ADAMTSL1: variants seen among roughly 807,000 people sequenced by gnomAD.
ADAMTSL1 encodes ADAMTS-like protein 1.
ADAMTSL1 carries 126 observed loss-of-function variants against 201.8 expected under a neutral mutation model. The observed-to-expected ratio is 0.62, with a 90% confidence interval of 0.54 to 0.72. The LOEUF (loss-of-function observed/expected upper bound fraction) is 0.72, where lower values mean the gene tolerates loss of function less well. Ranked by LOEUF, ADAMTSL1 falls within the 30% of genes least tolerant of loss-of-function variation. The pLI is 0.00. For synonymous variants in ADAMTSL1, 1,121 were observed against 903.4 expected (o/e 1.24, Z -4.32); for missense variants, 2,679 against 2,277.8 (o/e 1.18, Z -3.59).
chr9:18,403,980 G>C (rs1264676511), intron 2 of ADAMTSL1, among the ~76,000 whole-genome samples: 1 of 152,088 alleles, frequency 6.6e-6, no homozygotes, highest in East Asian at 1.9e-4. Flanking sequence ...CTCAAATTGA[G>C]TGCCCCGTGG....
At chr9:18,262,085 A>G (rs987733640) in intron 2 of ADAMTSL1, among the ~76,000 whole-genome samples, 2 of 152,214 alleles carry the variant, frequency 1.3e-5, no homozygotes, top group Non-Finnish European at 2.9e-5. Flanking sequence ...ATATATATAT[A>G]ATGTGTTTGA....
chr9:17,965,805 G>T (rs1192570564), intron 1 of ADAMTSL1, among the ~76,000 whole-genome samples: 1 of 152,178 alleles, frequency 6.6e-6, no homozygotes, highest in African/African-American at 2.4e-5. Context: ...GAGGATGCTA[G>T]ATTGCTTTGG....
Position 18,908,914 on chromosome 9 carries a change from C to A in ADAMTSL1, c.*366C>A, listed in dbSNP as rs1394281906. On this transcript the variant is annotated 3_prime_UTR_variant, in exon 29 of 29. Coordinates refer to ENST00000380548, the MANE Select transcript of ADAMTSL1 (RefSeq NM_001040272.6). ...CAGCAGGGAGCCAGAAGGTTTGTAG[C>A]CTATTGGTGCAAACATTGGACAAAT... The A allele has an allele frequency of 5.2e-6, 1 of 191,168 alleles. No homozygotes were observed. Among genetic ancestry groups the A allele is most frequent in the East Asian group, 1.5e-4 (1 of 6,594 alleles). The allele number at this position is 191,168 out of a possible 1,614,324, so 11.8% of individuals were successfully genotyped here. A position where few individuals can be genotyped will look rare whatever the true frequency, so the allele number is the denominator to read the frequency against.
chr9:18,583,840 C>T (rs1823282663), intron 4 of ADAMTSL1, among the ~76,000 whole-genome samples: 1 of 152,134 alleles, frequency 6.6e-6, no homozygotes, highest in Admixed American at 6.5e-5. Context: ...TTGAGTAGGG[C>T]CTGTAGTCCC....
intron 2 of ADAMTSL1, among the ~76,000 whole-genome samples, chr9:18,360,144 C>G (rs1463356112): frequency 2.0e-5 from 3 of 152,048 alleles, no homozygotes; most frequent in Non-Finnish European, 4.4e-5. Context: ...GTTCCTGTGT[C>G]TGGTGTAGCT....
In ADAMTSL1 at chr9:18,314,782, CTTTTTTTTTTTTT is replaced by C. The variant is rs776046209; in HGVS notation, c.207+150821_207+150833del. Among the ~76,000 whole-genome samples, 68 of 49,852 alleles carry C rather than the reference CTTTTTTTTTTTTT, an allele frequency of 1.4e-3. 1 individual carries two copies. The highest frequency in any genetic ancestry group is 4.5e-3 in the African/African-American group (55 of 12,106). The allele number at this position is 49,852 out of a possible 152,430, so 32.7% of individuals were successfully genotyped here. A position where few individuals can be genotyped will look rare whatever the true frequency, so the allele number is the denominator to read the frequency against. On this transcript the variant is annotated intron_variant, in intron 2 of 29. Coordinates refer to the ADAMTSL1 transcript ENST00000680146. ...TGCCACTGCTGCCTTCGGCAGCGTG[CTTTTTTTTTTTTT>C]TTTTTTTTTTTTTTTTTTTGAGACG...
chr9:18,260,283 C>G (rs925632830), intron 2 of ADAMTSL1, among the ~76,000 whole-genome samples: 3 of 152,210 alleles, frequency 2.0e-5, no homozygotes, highest in Non-Finnish European at 4.4e-5. Flanking sequence ...AAGCATGCTT[C>G]CAGTACCAAA....
intron 22 of ADAMTSL1, among the ~76,000 whole-genome samples, chr9:18,827,009 G>C (rs1000739658): frequency 1.3e-5 from 2 of 152,004 alleles, no homozygotes; most frequent in Non-Finnish European, 2.9e-5. Context: ...TAAAATGGGT[G>C]CTTAAAAATA....
chr9:18,631,140 C>T (rs1025143749), intron 5 of ADAMTSL1, among the ~76,000 whole-genome samples: 2 of 152,110 alleles, frequency 1.3e-5, no homozygotes, highest in Non-Finnish European at 1.5e-5. Context: ...CTCTTGGAAT[C>T]AATGAAATAG....
At chr9:18,425,654 A>C (rs1441068523) in intron 2 of ADAMTSL1, among the ~76,000 whole-genome samples, 1 of 152,024 alleles carries the variant, frequency 6.6e-6, no homozygotes, top group Admixed American at 6.6e-5. Context: ...CAGGAGTTTG[A>C]GACCATTATG....
intron 1 of ADAMTSL1, among the ~76,000 whole-genome samples, chr9:18,059,148 G>A (rs894625406): frequency 1.3e-5 from 2 of 152,122 alleles, no homozygotes; most frequent in Admixed American, 1.3e-4. Flanking sequence ...ATGATTTGGA[G>A]GGTATCACAG....
intron 15 of ADAMTSL1, among the ~76,000 whole-genome samples, chr9:18,742,766 C>A (rs1818914733): frequency 1.3e-5 from 2 of 152,076 alleles, no homozygotes; most frequent in Middle Eastern, 3.2e-3. Flanking sequence ...AAAAAGGGTT[C>A]ATTTAGTGGA....
At chr9:18,029,123 C>T (rs1479390325) in intron 1 of ADAMTSL1, among the ~76,000 whole-genome samples, 1 of 152,108 alleles carries the variant, frequency 6.6e-6, no homozygotes, top group African/African-American at 2.4e-5. Flanking sequence ...TATCCTGAGA[C>T]TTTGCTGAAG....
At chr9:18,089,803 G>A (rs940706781) in intron 1 of ADAMTSL1, among the ~76,000 whole-genome samples, 4 of 152,092 alleles carry the variant, frequency 2.6e-5, no homozygotes, top group East Asian at 3.9e-4. Context: ...TTTCAGTCAC[G>A]CAATGTGATA....
At chr9:18,710,238 C>T (rs1214803338) in intron 14 of ADAMTSL1, among the ~76,000 whole-genome samples, 1 of 152,178 alleles carries the variant, frequency 6.6e-6, no homozygotes, top group Non-Finnish European at 1.5e-5. Context: ...CTTAGAATGC[C>T]CTGCCCTTTA....
chr9:18,866,504 A>G (rs1330840137), intron 23 of ADAMTSL1, among the ~76,000 whole-genome samples: 2 of 152,226 alleles, frequency 1.3e-5, no homozygotes, highest in Non-Finnish European at 2.9e-5. Flanking sequence ...TACTTTGGTT[A>G]TAATTAATTT....
chr9:18,671,156 A>T (rs957475822), intron 9 of ADAMTSL1, among the ~76,000 whole-genome samples: 2 of 152,136 alleles, frequency 1.3e-5, no homozygotes, highest in African/African-American at 4.8e-5. Flanking sequence ...TGGACGCAGG[A>T]CCCATGGATA....
chr9:18,521,608 C>T (rs1037457949), intron 2 of ADAMTSL1, among the ~76,000 whole-genome samples: 1 of 152,004 alleles, frequency 6.6e-6, no homozygotes, highest in Admixed American at 6.6e-5. Context: ...AATGAAGATA[C>T]AGTATAAGCA....
Position 18,474,288 on chromosome 9 carries a change from T to A in ADAMTSL1, c.56T>A (p.Leu19Gln). Residue 19 changes from leucine (L) to glutamine (Q), a missense_variant, in exon 1 of 29, where the codon CTG (leucine) becomes CAG (glutamine). Transcript: ENST00000380548. ...ACACTGCTCCTCTTTCTGGCTTTCC[T>A]GCTCCTGGTAAATGCCTTTTCATTT... ...PGTLLLFLAF[L>Q]LLSSRTARSE... 6.2e-6 allele frequency: 10 copies of A among 1,614,160 alleles called. No individual in the cohort carries two copies. Among genetic ancestry groups the A allele is most frequent in the Non-Finnish European group, 8.5e-6 (10 of 1,180,010 alleles).
Sources: gnomAD v4.1 joint callset for allele counts (sites outside exome capture counted in the v4.1 genomes callset) on GRCh38, gnomAD v4.1.1 for gene constraint, MANE v1.5 for transcripts, NCBI Gene and HGNC (gene_info 2026-07-23, HGNC 2026-07-21) for gene names.